The following EPB41L4A variants were observed in gnomAD, a reference collection of about 807,000 sequenced individuals.
EPB41L4A encodes the protein erythrocyte membrane protein band 4.1 like 4A.
A neutral mutation model predicts 108.6 loss-of-function variants in EPB41L4A; 100 were observed. That is an observed-to-expected ratio of 0.92 (90% CI 0.78 to 1.09). The LOEUF is 1.09. EPB41L4A is among the 50% of genes least tolerant of loss of function. The pLI, the probability that EPB41L4A is intolerant of heterozygous loss-of-function variation, is 0.00. For missense variants in EPB41L4A, 1,030 were observed against 842.7 expected (o/e 1.22, Z -2.75); for synonymous variants, 319 against 289.0 (o/e 1.10, Z -1.05).
chr5:112,196,842 G>C (rs1761987406), intron 15 of EPB41L4A: 1 of 152,226 alleles, frequency 6.6e-6, no homozygotes, highest in African/African-American at 2.4e-5. Flanking sequence ...ACAGATCTAA[G>C]TACAAAGTGG....
chr5:112,147,081 T>C (rs561428465), intron 12 of EPB41L4A, among the ~76,000 whole-genome samples: 1 of 152,230 alleles, frequency 6.6e-6, no homozygotes, highest in Non-Finnish European at 1.5e-5. Flanking sequence ...TGTGCTGCTC[T>C]AAATTAGTGT....
At chr5:112,188,946 T>C (rs1761555846) in intron 17 of EPB41L4A, among the ~76,000 whole-genome samples, 1 of 152,218 alleles carries the variant, frequency 6.6e-6, no homozygotes, top group East Asian at 1.9e-4. Flanking sequence ...ATTGTCCCTC[T>C]TACAGTGCCA....
chr5:112,386,779 A>C (rs1362708550), intron 1 of EPB41L4A, among the ~76,000 whole-genome samples: 2 of 152,230 alleles, frequency 1.3e-5, no homozygotes, highest in Non-Finnish European at 2.9e-5. Flanking sequence ...TACTATATAC[A>C]TGACACTGGA....
chr5:112,336,109 G>A (rs1259681485), intron 1 of EPB41L4A, among the ~76,000 whole-genome samples: 1 of 152,152 alleles, frequency 6.6e-6, no homozygotes, highest in African/African-American at 2.4e-5. Flanking sequence ...GGATGGGAAG[G>A]GTCTTCCAAG....
At chr5:112,177,269 G>T (rs985461794) in intron 18 of EPB41L4A, among the ~76,000 whole-genome samples, 2 of 152,182 alleles carry the variant, frequency 1.3e-5, no homozygotes, top group South Asian at 4.1e-4. Context: ...ACATTTATTC[G>T]TTCAAGGCCT....
chr5:112,254,351 T>A (rs903688539), intron 9 of EPB41L4A, among the ~76,000 whole-genome samples: 2 of 152,170 alleles, frequency 1.3e-5, no homozygotes, highest in African/African-American at 4.8e-5. Context: ...CTTCTTTCCG[T>A]CTTTGCAGTG....
In EPB41L4A at chr5:112,162,891, T is replaced by G. The variant is rs1386096789; in HGVS notation, c.*2099A>C. ...GCTTGGGCTAGAAAAAAGATACCGT[T>G]AGTCCACTTACTTTTGAGACAGTTT... is the stretch of plus-strand genomic sequence containing the variant. On this transcript the variant is annotated 3_prime_UTR_variant, in exon 23 of 23. Coordinates refer to ENST00000261486, the MANE Select transcript of EPB41L4A (RefSeq NM_022140.5). The G allele has an allele frequency of 6.6e-6, 1 of 152,238 alleles. No individual in the cohort carries two copies. The highest frequency in any genetic ancestry group is 1.5e-5 in the Non-Finnish European group (1 of 68,052). 9.4% of individuals were successfully genotyped at this position (152,238 alleles called of 1,614,324 possible). A position where few individuals can be genotyped will look rare whatever the true frequency, so the allele number is the denominator to read the frequency against.
intron 2 of EPB41L4A, among the ~76,000 whole-genome samples, chr5:112,303,200 G>A (rs1239053075): frequency 6.6e-6 from 1 of 152,090 alleles, no homozygotes; most frequent in Non-Finnish European, 1.5e-5. Context: ...CACAGAATGT[G>A]AAACTTTACA....
chr5:112,411,715 G>A (rs1213771991), intron 1 of EPB41L4A, among the ~76,000 whole-genome samples: 2 of 152,156 alleles, frequency 1.3e-5, no homozygotes, highest in Non-Finnish European at 2.9e-5. Flanking sequence ...GGAGCAGGGA[G>A]GGGAAAGACT....
chr5:112,179,969 G>T (rs1761062672), intron 18 of EPB41L4A, among the ~76,000 whole-genome samples: 1 of 152,084 alleles, frequency 6.6e-6, no homozygotes. Flanking sequence ...AAGGCTTATG[G>T]GGTGGCAGGA....
chr5:112,349,521 G>A (rs540470955), intron 1 of EPB41L4A, among the ~76,000 whole-genome samples: 2 of 152,212 alleles, frequency 1.3e-5, no homozygotes, highest in Non-Finnish European at 2.9e-5. Flanking sequence ...GACAAACAGA[G>A]AGCTGCCTAA....
At chr5:112,330,180 C>G (rs1756467020) in intron 1 of EPB41L4A, among the ~76,000 whole-genome samples, 2 of 151,786 alleles carry the variant, frequency 1.3e-5, no homozygotes, top group African/African-American at 4.8e-5. Flanking sequence ...TAGGTGTACT[C>G]AGGTCCATTC....
At chr5:112,189,343 G>C (rs1280594768) in intron 17 of EPB41L4A, among the ~76,000 whole-genome samples, 1 of 152,164 alleles carries the variant, frequency 6.6e-6, no homozygotes, top group Non-Finnish European at 1.5e-5. Context: ...TAGTGAGGTA[G>C]GCAGGTCAGG....
chr5:112,306,238 T>C (rs1482425086), intron 2 of EPB41L4A, among the ~76,000 whole-genome samples: 1 of 152,160 alleles, frequency 6.6e-6, no homozygotes, highest in African/African-American at 2.4e-5. Flanking sequence ...TCTGTATAGA[T>C]TTACAGTACT....
At chr5:112,317,469 CTAACT>C (rs1755502850) in intron 1 of EPB41L4A, among the ~76,000 whole-genome samples, 3 of 152,188 alleles carry the variant, frequency 2.0e-5, no homozygotes, top group Non-Finnish European at 4.4e-5. Context: ...CCAGAAATAT[CTAACT>C]TAAAATCCTG....
intron 2 of EPB41L4A, among the ~76,000 whole-genome samples, chr5:112,285,056 A>G (rs763855648): frequency 7.9e-5 from 12 of 152,204 alleles, no homozygotes; most frequent in Non-Finnish European, 1.3e-4. Flanking sequence ...AGAGTCTCCT[A>G]GAGTTCTAAT....
At chr5:112,404,146 A>G (rs1349504058) in intron 1 of EPB41L4A, among the ~76,000 whole-genome samples, 1 of 152,254 alleles carries the variant, frequency 6.6e-6, no homozygotes, top group Non-Finnish European at 1.5e-5. Flanking sequence ...TTCACCTCCC[A>G]TAAGGCACAG....
intron 8 of EPB41L4A, 117 bp downstream of exon 8, chr5:112,259,773 AT>A (rs1386775436): frequency 2.7e-6 from 2 of 734,174 alleles, no homozygotes; most frequent in African/African-American, 3.6e-5. Flanking sequence ...AATTTCACTC[AT>A]TTATTTATCA....
chr5:112,340,125 C>G (rs1002728729), intron 1 of EPB41L4A, among the ~76,000 whole-genome samples: 6 of 152,134 alleles, frequency 3.9e-5, no homozygotes, highest in Non-Finnish European at 7.4e-5. Flanking sequence ...GCCCTTTCAA[C>G]AAAGTGTTAA....
Sources: gnomAD v4.1 joint callset for allele counts (sites outside exome capture counted in the v4.1 genomes callset) on GRCh38, gnomAD v4.1.1 for gene constraint, MANE v1.5 for transcripts, NCBI Gene and HGNC (gene_info 2026-07-23, HGNC 2026-07-21) for gene names.